PRPS1: variants seen among roughly 807,000 people sequenced by gnomAD.
PRPS1 encodes the protein phosphoribosyl pyrophosphate synthetase 1.
Under a neutral mutation model 16.9 loss-of-function variants are expected in PRPS1, and 1 was observed. That is an observed-to-expected ratio of 0.06 (90% CI 0.02 to 0.28). PRPS1 has a LOEUF of 0.28. Ranked by LOEUF, PRPS1 falls within the 10% of genes least tolerant of loss-of-function variation. The pLI is 1.00. For synonymous variants in PRPS1, 70 were observed against 90.2 expected (o/e 0.78, Z 1.27); for missense variants, 47 against 254.0 (o/e 0.19, Z 5.54).
intron 4 of PRPS1, among the ~76,000 whole-genome samples, chrX:107,642,977 A>C (rs1044419672): frequency 1.8e-5 from 2 of 112,304 alleles, no homozygotes; most frequent in East Asian, 5.6e-4. Flanking sequence ...ATTTTAAACA[A>C]ACTGATTGCC....
chrX:107,636,312 G>T (rs1283003873), intron 1 of PRPS1, among the ~76,000 whole-genome samples: 2 of 111,039 alleles, frequency 1.8e-5, no homozygotes, highest in East Asian at 5.8e-4. Context: ...TAGAGACGGG[G>T]TTTCGCCATG....
At chrX:107,643,927 C>T (rs747341491) in intron 4 of PRPS1, among the ~76,000 whole-genome samples, 1 of 111,631 alleles carries the variant, frequency 9.0e-6, no homozygotes, top group African/African-American at 3.3e-5. Flanking sequence ...CCAGCAAAAA[C>T]TCATGTGACC....
In PRPS1 at chrX:107,650,102, C is replaced by A. The variant is rs1338080570; in HGVS notation, c.*70C>A. 8.3e-6 allele frequency: 10 copies of A among 1,204,995 alleles called. No homozygotes were observed. Among genetic ancestry groups the A allele is most frequent in the Non-Finnish European group, 1.1e-5 (10 of 892,815 alleles). ...CTTGTTTCCCCTTGGTATTTGATGA[C>A]AAATTCAGCAGAAGACCCGGCTTGC... On this transcript the variant is annotated 3_prime_UTR_variant, in exon 7 of 7. Coordinates refer to ENST00000372435, the MANE Select transcript of PRPS1 (RefSeq NM_002764.4).
intron 1 of PRPS1, among the ~76,000 whole-genome samples, chrX:107,630,393 A>C (rs907785317): frequency 2.7e-5 from 3 of 111,897 alleles, no homozygotes; most frequent in African/African-American, 9.7e-5. Context: ...ATAATGCAGC[A>C]CCCCAGAACC....
chrX:107,650,187 A>G lies in PRPS1; in HGVS notation c.*155A>G, dbSNP rs942898095. The G allele has an allele frequency of 1.1e-5, 11 of 998,059 alleles. No homozygotes were observed. In the African/African-American group the frequency reaches 1.2e-4, roughly 10 times the overall value. The allele number at this position is 998,059 out of a possible 1,213,427, so 82.3% of individuals were successfully genotyped here. On this transcript the variant is annotated 3_prime_UTR_variant, in exon 7 of 7. Transcript: ENST00000372435. ...ATTAGAGCTTATCCGAACTGGGGAA[A>G]GACGGATTGAGATTAACTGCTGGGA...
intron 1 of PRPS1, 71 bp downstream of exon 1, chrX:107,628,821 G>C (rs1371343583): frequency 8.4e-7 from 1 of 1,185,694 alleles, no homozygotes; most frequent in Non-Finnish European, 1.1e-6. Context: ...GGATGGGGTC[G>C]CCGCTTGAGC....
chrX:107,646,724 T>C (rs1324830320), intron 5 of PRPS1, among the ~76,000 whole-genome samples: 2 of 112,209 alleles, frequency 1.8e-5, no homozygotes, highest in Non-Finnish European at 3.8e-5. Flanking sequence ...ATCTTTAACA[T>C]GGGGTTTCCA....
chrX:107,649,687 C>T (rs1426938156), intron 6 of PRPS1, among the ~76,000 whole-genome samples: 1 of 106,225 alleles, frequency 9.4e-6, no homozygotes, highest in East Asian at 3.1e-4. Flanking sequence ...CAACTCCTGG[C>T]CTCAAGTGAT....
chrX:107,636,749 T>C (rs1925451822), intron 1 of PRPS1: 1 of 112,325 alleles, frequency 8.9e-6, no homozygotes, highest in South Asian at 3.7e-4. Context: ...TTATCTCCTA[T>C]GTCAGCTTCT....
chrX:107,642,604 TG>T, intron 4 of PRPS1, 114 bp downstream of exon 4: 1 of 946,724 alleles, frequency 1.1e-6, no homozygotes, highest in South Asian at 2.0e-5. Context: ...TTTGAATGGA[TG>T]TAAGTAGCTA....
intron 5 of PRPS1, among the ~76,000 whole-genome samples, 175 bp downstream of exon 5, chrX:107,645,525 T>C (rs988687195): frequency 2.3e-4 from 25 of 110,860 alleles, no homozygotes; most frequent in Admixed American, 1.9e-3. Context: ...AGTACTCTTA[T>C]TTTTTTTTCA....
intron 1 of PRPS1, among the ~76,000 whole-genome samples, chrX:107,636,847 T>C (rs762042244): frequency 7.1e-5 from 8 of 112,719 alleles, no homozygotes; most frequent in Non-Finnish European, 1.5e-4. Context: ...GAAGGGTGGG[T>C]AAAAGTGATC....
chrX:107,637,620 T>C (rs1448120695), intron 1 of PRPS1, among the ~76,000 whole-genome samples: 2 of 111,151 alleles, frequency 1.8e-5, no homozygotes, highest in African/African-American at 6.5e-5. Flanking sequence ...GTGCCAACCA[T>C]TTCATGCATC....
In PRPS1 at chrX:107,640,891, C is replaced by G; in HGVS notation, c.307-11C>G. The G allele has an allele frequency of 1.7e-6, 2 of 1,210,102 alleles. No homozygotes were observed. The highest frequency in any genetic ancestry group is 2.2e-6 in the Non-Finnish European group (2 of 894,216). ...TTTTGGTTTTTCTTTTCTTTCCTCCCCTCCATTTAGAGCCGGGCGCCAATC... is the reference window on the plus strand; with the variant it reads ...TTTTGGTTTTTCTTTTCTTTCCTCCGCTCCATTTAGAGCCGGGCGCCAATC... On this transcript the variant is annotated splice_polypyrimidine_tract_variant and intron_variant, in intron 2 of 6. Coordinates refer to ENST00000372435, the MANE Select transcript of PRPS1 (RefSeq NM_002764.4).
chrX:107,642,254 A>G, intron 3 of PRPS1, 112 bp from the exon 4 acceptor site: 2 of 1,052,052 alleles, frequency 1.9e-6, no homozygotes, highest in Non-Finnish European at 2.6e-6. Flanking sequence ...CCTTCCCATC[A>G]GTTTGAATGT....
At chrX:107,642,233 C>A in intron 3 of PRPS1, 133 bp from the exon 4 acceptor site, 1 of 942,920 alleles carries the variant, frequency 1.1e-6, no homozygotes, top group Non-Finnish European at 1.5e-6. Context: ...TAATCTACCA[C>A]ACTGGGCCTG....
At chrX:107,634,529 G>C (rs1210228151) in intron 1 of PRPS1, among the ~76,000 whole-genome samples, 2 of 109,838 alleles carry the variant, frequency 1.8e-5, no homozygotes, top group Non-Finnish European at 3.8e-5. Flanking sequence ...CACCGCCCCA[G>C]CCTAGTGTTA....
intron 1 of PRPS1, among the ~76,000 whole-genome samples, chrX:107,638,064 G>A (rs2147680571): frequency 9.2e-6 from 1 of 108,995 alleles, no homozygotes; most frequent in South Asian, 3.9e-4. Flanking sequence ...TCAGCCTCCT[G>A]AGTAGCTGGG....
intron 5 of PRPS1, among the ~76,000 whole-genome samples, chrX:107,645,683 C>T (rs779952833): frequency 1.8e-5 from 2 of 111,220 alleles, no homozygotes; most frequent in Admixed American, 9.6e-5. Flanking sequence ...TTTTTGATCA[C>T]CCTGAGTATG....
Sources: allele counts gnomAD v4.1 joint callset (sites outside exome capture counted in the v4.1 genomes callset), GRCh38; gene constraint gnomAD v4.1.1; transcripts MANE v1.5; gene names NCBI Gene and HGNC (gene_info 2026-07-23, HGNC 2026-07-21).